The following HMCN1 variants were observed in gnomAD, a reference collection of about 807,000 sequenced individuals.
HMCN1 encodes the protein hemicentin-1.
A neutral mutation model predicts 625.9 loss-of-function variants in HMCN1; 321 were observed. That is an observed-to-expected ratio of 0.51 (90% CI 0.47 to 0.56). The LOEUF is 0.56. HMCN1 is among the 20% of genes least tolerant of loss of function. The pLI, the probability that HMCN1 is intolerant of heterozygous loss-of-function variation, is 0.00. For missense variants in HMCN1, 6,588 were observed against 6,887.3 expected (o/e 0.96, Z 1.54); for synonymous variants, 2,425 against 2,417.6 (o/e 1.00, Z -0.09).
chr1:186,132,956 A>G (rs4535962), intron 86 of HMCN1, among the ~76,000 whole-genome samples: 59,815 of 151,896 alleles, frequency 0.39, 13,612 homozygotes, highest in East Asian at 0.6. Flanking sequence ...CCATGTCCCT[A>G]CAAAGGACAT....
Position 186,088,759 on chromosome 1 carries a change from T to C in HMCN1, c.9727+4T>C. ...TATTACTTTCTTTCAATTCAAGGTATGTATTGTCCACTATGATCTATCTTC... is the reference window on the plus strand; with the variant it reads ...TATTACTTTCTTTCAATTCAAGGTACGTATTGTCCACTATGATCTATCTTC... On this transcript the variant is annotated splice_donor_region_variant and intron_variant, in intron 63 of 106. Coordinates refer to ENST00000271588, the MANE Select transcript of HMCN1 (RefSeq NM_031935.3). 6.2e-7 allele frequency: 1 copy of C among 1,604,676 alleles called. No homozygotes were observed. The highest frequency in any genetic ancestry group is 8.5e-7 in the Non-Finnish European group (1 of 1,173,736).
intron 36 of HMCN1, among the ~76,000 whole-genome samples, chr1:186,028,071 A>C (rs1322747110): frequency 6.6e-6 from 1 of 152,152 alleles, no homozygotes; most frequent in Non-Finnish European, 1.5e-5. Flanking sequence ...CTAGATAGAG[A>C]ATATTAACTC....
intron 1 of HMCN1, among the ~76,000 whole-genome samples, chr1:185,776,131 T>C (rs1656588318): frequency 1.3e-5 from 2 of 152,206 alleles, no homozygotes; most frequent in Non-Finnish European, 2.9e-5. Flanking sequence ...ATATTTCCTA[T>C]TTTATTTATT....
Position 186,178,430 on chromosome 1 carries a change from G to A in HMCN1, c.15958G>A (p.Glu5320Lys), listed in dbSNP as rs1310442377. The A allele has an allele frequency of 6.2e-7, 1 of 1,613,278 alleles. No homozygotes were observed. Among genetic ancestry groups the A allele is most frequent in the Non-Finnish European group, 8.5e-7 (1 of 1,179,580 alleles). The change falls in exon 104 of 107, where the codon GAA (glutamate) becomes AAA (lysine). Residue 5320 changes from glutamate to lysine, a missense_variant. By Grantham distance (56) the Glu-to-Lys change is moderately conservative. Transcript: ENST00000271588. ...GRPCMDINECEQVPKPCAHQC... is the reference protein window; with the variant it reads ...GRPCMDINECKQVPKPCAHQC... Reference sequence around the variant, plus strand: ...CATACGAGCAGACATTAATGAATGTGAACAAGTGCCTAAACCTTGTGCACA... The same window carrying A: ...CATACGAGCAGACATTAATGAATGTAAACAAGTGCCTAAACCTTGTGCACA...
At chr1:185,739,934 G>A (rs1406660757) in intron 1 of HMCN1, among the ~76,000 whole-genome samples, 1 of 151,948 alleles carries the variant, frequency 6.6e-6, no homozygotes, top group Non-Finnish European at 1.5e-5. Flanking sequence ...AGGAGGTGAG[G>A]GAGGGAGAAA....
intron 89 of HMCN1, among the ~76,000 whole-genome samples, chr1:186,138,511 T>G (rs1325862619): frequency 1.3e-5 from 2 of 152,174 alleles, no homozygotes; most frequent in African/African-American, 4.8e-5. Flanking sequence ...AGTAGAAAAT[T>G]TTCAGGTATA....
At chr1:185,898,578 A>G (rs1455522852) in intron 4 of HMCN1, among the ~76,000 whole-genome samples, 1 of 152,032 alleles carries the variant, frequency 6.6e-6, no homozygotes, top group Non-Finnish European at 1.5e-5. Flanking sequence ...GTCTCAATGA[A>G]CCCTGGTCCT....
At chr1:185,954,459 T>A (rs1649475445) in intron 11 of HMCN1, among the ~76,000 whole-genome samples, 1 of 152,110 alleles carries the variant, frequency 6.6e-6, no homozygotes, top group Non-Finnish European at 1.5e-5. Flanking sequence ...CTAGGAACAC[T>A]GAGAGAAGCT....
intron 36 of HMCN1, among the ~76,000 whole-genome samples, chr1:186,026,589 T>C (rs1655070354): frequency 6.6e-6 from 1 of 152,140 alleles, no homozygotes; most frequent in Non-Finnish European, 1.5e-5. Flanking sequence ...CAGTTATTAA[T>C]TTATCAACCA....
At chr1:186,186,662 GT>G (rs1361786868) in intron 105 of HMCN1, among the ~76,000 whole-genome samples, 1 of 152,156 alleles carries the variant, frequency 6.6e-6, no homozygotes, top group African/African-American at 2.4e-5. Context: ...GTTGCAATCT[GT>G]TTTTGTAAAT....
rs1033761745 is a variant in HMCN1, at chr1:186,117,490, T to C, written c.11715T>C (p.Asp3905=). 6.2e-7 allele frequency: 1 copy of C among 1,613,936 alleles called. No homozygotes were observed. Among genetic ancestry groups the C allele is most frequent in the South Asian group, 1.1e-5 (1 of 91,080 alleles). The change falls in exon 77 of 107, where the codon GAT becomes GAC. Residue 3905 remains aspartate, a synonymous_variant. Transcript: ENST00000271588. ...CTTCCATAGCTGATGAGCCTACAGA[T>C]TTCCTAGTAACCAAACATGCCCCAG... ...VPPSIADEPT[D]FLVTKHAPAV...
chr1:185,942,497 C>A (rs912300224), intron 11 of HMCN1, among the ~76,000 whole-genome samples: 10 of 152,150 alleles, frequency 6.6e-5, no homozygotes, highest in Non-Finnish European at 1.2e-4. Context: ...AACATATCAA[C>A]CCACTGAATT....
chr1:185,839,294 A>G (rs536577300), intron 1 of HMCN1, among the ~76,000 whole-genome samples: 2 of 152,302 alleles, frequency 1.3e-5, no homozygotes, highest in South Asian at 4.1e-4. Flanking sequence ...GAATTACAGT[A>G]TTCTTATCCT....
At chr1:185,903,093 C>T (rs965173973) in intron 4 of HMCN1, among the ~76,000 whole-genome samples, 1 of 151,716 alleles carries the variant, frequency 6.6e-6, no homozygotes, top group African/African-American at 2.4e-5. Context: ...AATTTTCTCT[C>T]TCATTTGTAA....
At chr1:185,888,720 T>TA (rs1664840876) in intron 4 of HMCN1, among the ~76,000 whole-genome samples, 1 of 146,896 alleles carries the variant, frequency 6.8e-6, no homozygotes, top group Non-Finnish European at 1.5e-5. Flanking sequence ...AGCCTTGTAG[T>TA]ATAGTTTGAA....
At chr1:185,864,761 T>C (rs1466403064) in intron 3 of HMCN1, 133 bp downstream of exon 3, 1 of 787,758 alleles carries the variant, frequency 1.3e-6, no homozygotes, top group Non-Finnish European at 2.2e-6. Context: ...TTCTCCAATA[T>C]GTATATGTCA....
intron 6 of HMCN1, among the ~76,000 whole-genome samples, chr1:185,916,206 T>G (rs1333798114): frequency 6.6e-6 from 1 of 152,162 alleles, no homozygotes; most frequent in Non-Finnish European, 1.5e-5. Flanking sequence ...TTTGACACAA[T>G]GCCTAGCTCA....
chr1:185,768,841 GAAGTT>G (rs1211064649), intron 1 of HMCN1, among the ~76,000 whole-genome samples: 1 of 152,142 alleles, frequency 6.6e-6, no homozygotes. Flanking sequence ...CAGAAGACAT[GAAGTT>G]AAGTATCATA....
chr1:186,132,650 C>CTTT (rs36095829), intron 86 of HMCN1, among the ~76,000 whole-genome samples: 1 of 149,146 alleles, frequency 6.7e-6, no homozygotes, highest in African/African-American at 2.5e-5. Context: ...GGTGGCAGAG[C>CTTT]TTTTTTTTTT....
Sources: allele counts gnomAD v4.1 joint callset (sites outside exome capture counted in the v4.1 genomes callset), GRCh38; gene constraint gnomAD v4.1.1; transcripts MANE v1.5; gene names NCBI Gene and HGNC (gene_info 2026-07-23, HGNC 2026-07-21).